ROBO1: variants seen among roughly 807,000 people sequenced by gnomAD.
ROBO1 encodes the protein roundabout guidance receptor 1, also known as roundabout homolog 1.
In ROBO1, 149 loss-of-function variants were observed where a neutral mutation model predicts 195.9. The ratio of observed to expected loss-of-function variants is 0.76; its 90% CI spans 0.67 to 0.87. The LOEUF (loss-of-function observed/expected upper bound fraction) is 0.87, where lower values mean the gene tolerates loss of function less well. Among genes scored for constraint, ROBO1 ranks in the 40% least tolerant of loss-of-function variants. ROBO1 has a pLI of 0.00. For synonymous variants in ROBO1, 816 were observed against 733.2 expected (o/e 1.11, Z -1.82); for missense variants, 1,933 against 2,068.3 (o/e 0.93, Z 1.27).
chr3:78,959,831 T>C (rs977254338), intron 3 of ROBO1, among the ~76,000 whole-genome samples: 10 of 152,142 alleles, frequency 6.6e-5, no homozygotes, highest in African/African-American at 2.4e-4. Flanking sequence ...AGCACAACAT[T>C]TCAGCAATGA....
intron 4 of ROBO1, among the ~76,000 whole-genome samples, chr3:78,844,126 A>G (rs1472202510): frequency 6.6e-6 from 1 of 152,140 alleles, no homozygotes; most frequent in Non-Finnish European, 1.5e-5. Context: ...TTCCCTTTAC[A>G]TTGCTTAGAA....
intron 2 of ROBO1, among the ~76,000 whole-genome samples, chr3:79,150,636 A>C (rs2080748388): frequency 6.6e-6 from 1 of 151,852 alleles, no homozygotes; most frequent in South Asian, 2.1e-4. Flanking sequence ...TTCATGTTTA[A>C]ACATTAAAAA....
intron 8 of ROBO1, among the ~76,000 whole-genome samples, chr3:78,691,944 C>T (rs1198163171): frequency 6.6e-6 from 1 of 151,982 alleles, no homozygotes; most frequent in Non-Finnish European, 1.5e-5. Flanking sequence ...AGCCATTTCT[C>T]CTATATGTTG....
chr3:79,524,221 G>T (rs1433820477), intron 2 of ROBO1, among the ~76,000 whole-genome samples: 2 of 151,390 alleles, frequency 1.3e-5, no homozygotes, highest in East Asian at 3.9e-4. Context: ...CCACTATTTA[G>T]AAATTTTTAA....
Position 78,627,441 on chromosome 3 carries a change from G to A in ROBO1, c.3755C>T (p.Ala1252Val). 2 of 1,613,122 alleles carry A rather than the reference G, an allele frequency of 1.2e-6. No homozygotes were observed. Among genetic ancestry groups the A allele is most frequent in the East Asian group, 2.2e-5 (1 of 44,744 alleles). The change falls in exon 26 of 31, where the codon GCC becomes GTC. Residue 1252 changes from alanine to valine, a missense_variant. Around this residue, in one of 3 missense-constraint regions of ROBO1, gnomAD observed 1,737 missense variants for 1,882.5 expected, o/e 0.92. Coordinates refer to ENST00000464233, the MANE Select transcript of ROBO1 (RefSeq NM_002941.4). ...AGTGGACTGATGGCTATAGGACACG[G>A]CAGCTGGAGAAGAAGCTGCTCCCCG... Reference protein sequence around the residue: ...PVRGAASSPAAVSYSHQSTAT... With the variant: ...PVRGAASSPAVVSYSHQSTAT...
chr3:78,767,503 C>T (rs1212635047), intron 4 of ROBO1, among the ~76,000 whole-genome samples: 2 of 150,752 alleles, frequency 1.3e-5, no homozygotes, highest in Admixed American at 6.5e-5. Context: ...TGGCCTCAAG[C>T]GACTCACCTG....
At chr3:79,316,250 G>T (rs1043293401) in intron 2 of ROBO1, among the ~76,000 whole-genome samples, 8 of 152,150 alleles carry the variant, frequency 5.3e-5, no homozygotes, top group African/African-American at 1.9e-4. Context: ...GGAGGTTCAA[G>T]AATGGAAATA....
intron 10 of ROBO1, among the ~76,000 whole-genome samples, chr3:78,683,148 C>A (rs1460377861): frequency 1.3e-5 from 2 of 150,134 alleles, no homozygotes; most frequent in African/African-American, 2.5e-5. Flanking sequence ...ACACACACAC[C>A]GTCACATCAA....
At chr3:79,197,178 A>C (rs1463133869) in intron 2 of ROBO1, among the ~76,000 whole-genome samples, 8 of 151,648 alleles carry the variant, frequency 5.3e-5, no homozygotes, top group Non-Finnish European at 8.8e-5. Flanking sequence ...TCCTAATGCT[A>C]TCTCTCTCCC....
At chr3:79,573,647 A>G (rs1311249344) in intron 2 of ROBO1, among the ~76,000 whole-genome samples, 1 of 152,210 alleles carries the variant, frequency 6.6e-6, no homozygotes, top group Admixed American at 6.5e-5. Context: ...CGATGGTTTA[A>G]AGAACATGAC....
intron 2 of ROBO1, among the ~76,000 whole-genome samples, chr3:79,503,145 ACACT>A (rs1426946576): frequency 6.6e-6 from 1 of 152,182 alleles, no homozygotes; most frequent in East Asian, 1.9e-4. Flanking sequence ...ATGAGCTGTA[ACACT>A]CACTGCGAAG....
chr3:78,853,396 C>CAT (rs1176559253), intron 4 of ROBO1, among the ~76,000 whole-genome samples: 1 of 150,338 alleles, frequency 6.7e-6, no homozygotes, highest in Non-Finnish European at 1.5e-5. Flanking sequence ...AGGATATGTG[C>CAT]ATATATATAC....
chr3:79,321,686 T>C (rs532760537), intron 2 of ROBO1, among the ~76,000 whole-genome samples: 1 of 152,302 alleles, frequency 6.6e-6, no homozygotes, highest in South Asian at 2.1e-4. Flanking sequence ...GGACAATCTA[T>C]TGTAGCTTAA....
intron 2 of ROBO1, among the ~76,000 whole-genome samples, chr3:79,161,746 G>C (rs1295631773): frequency 1.3e-5 from 2 of 152,066 alleles, no homozygotes; most frequent in Non-Finnish European, 2.9e-5. Context: ...CATAGCCAGA[G>C]CTAGCCTCTA....
chr3:78,683,544 G>T (rs1333342181), intron 10 of ROBO1, among the ~76,000 whole-genome samples: 1 of 151,944 alleles, frequency 6.6e-6, no homozygotes, highest in Non-Finnish European at 1.5e-5. Flanking sequence ...TAACACATAT[G>T]GGCCGGGCGT....
intron 4 of ROBO1, among the ~76,000 whole-genome samples, chr3:78,816,087 C>CT (rs570665231): frequency 6.8e-4 from 104 of 152,242 alleles, no homozygotes; most frequent in African/African-American, 2.4e-3. Context: ...CAGTGCCTGG[C>CT]TTAAAAGCTT....
At chr3:79,389,123 T>A (rs2036858324) in intron 2 of ROBO1, among the ~76,000 whole-genome samples, 1 of 152,014 alleles carries the variant, frequency 6.6e-6, no homozygotes, top group Non-Finnish European at 1.5e-5. Context: ...AACTTTTGAC[T>A]TTTGTATGAT....
At chr3:79,489,647 A>G (rs6777529) in intron 2 of ROBO1, among the ~76,000 whole-genome samples, 103,750 of 141,870 alleles carry the variant, frequency 0.73, 38,701 homozygotes, top group African/African-American at 0.89. Context: ...GTGAGACTTC[A>G]TCTCAAAAAA....
intron 2 of ROBO1, among the ~76,000 whole-genome samples, chr3:79,550,197 A>AAAGAAAGAAAGAAAGAAAGG (rs142251104): frequency 3.1e-4 from 6 of 19,330 alleles, no homozygotes; most frequent in Middle Eastern, 0.017. Flanking sequence ...GAAAGAAAGG[A>AAAGAAAGAAAGAAAGAAAGG]AAAGAAAAGA....
Sources: allele counts gnomAD v4.1 joint callset (sites outside exome capture counted in the v4.1 genomes callset), GRCh38; gene constraint gnomAD v4.1.1; regional missense constraint gnomAD v4.1.1; transcripts MANE v1.5; gene names NCBI Gene and HGNC (gene_info 2026-07-23, HGNC 2026-07-21).